The following CD109 variants were observed in gnomAD, a reference collection of about 807,000 sequenced individuals.
The protein encoded by CD109 is CD109 molecule.
In CD109, 149 loss-of-function variants were observed where a neutral mutation model predicts 165.8. The observed-to-expected ratio is 0.90, with a 90% CI of 0.79 to 1.03. CD109 has a LOEUF of 1.03. Ranked by LOEUF, CD109 falls within the 50% of genes least tolerant of loss-of-function variation. CD109 has a pLI of 0.00. For synonymous variants in CD109, 585 were observed against 592.1 expected, an observed-to-expected ratio of 0.99 and a Z score of 0.18; for missense variants, 1,712 against 1,677.8, an observed-to-expected ratio of 1.02 and a Z score of -0.36.
chr6:73,806,408 T>C (rs934233590), intron 24 of CD109, among the ~76,000 whole-genome samples: 1 of 152,124 alleles, frequency 6.6e-6, no homozygotes, highest in Admixed American at 6.5e-5. Flanking sequence ...ACATACCTAA[T>C]GTAAATGACG....
intron 2 of CD109, among the ~76,000 whole-genome samples, chr6:73,714,552 G>A (rs953242055): frequency 2.6e-5 from 4 of 152,274 alleles, no homozygotes; most frequent in Admixed American, 1.3e-4. Context: ...TGTAATTACC[G>A]TCTCAGAGTT....
At chr6:73,777,506 G>C (rs559325678) in intron 15 of CD109, among the ~76,000 whole-genome samples, 3 of 152,070 alleles carry the variant, frequency 2.0e-5, no homozygotes, top group African/African-American at 4.8e-5. Context: ...GTCCTGAATG[G>C]TATTGCCTAG....
chr6:73,682,222 C>T, the CD109 span, among the ~76,000 whole-genome samples: 6 of 152,286 alleles, frequency 3.9e-5, no homozygotes, highest in African/African-American at 1.4e-4. Flanking sequence ...TGCCTCTGAA[C>T]CTGTAAAATC....
At chr6:73,781,352 T>A in intron 17 of CD109, 33 bp downstream of exon 17, 1 of 1,540,840 alleles carries the variant, frequency 6.5e-7, no homozygotes, top group Non-Finnish European at 9.0e-7. Flanking sequence ...CTTGTATTTG[T>A]CTTTCACATG....
At chr6:73,755,301 CT>C (rs1562048222) in intron 5 of CD109, among the ~76,000 whole-genome samples, 1 of 152,072 alleles carries the variant, frequency 6.6e-6, no homozygotes, top group Admixed American at 6.6e-5. Context: ...TTGAGATTTT[CT>C]TTTTTTAAAA....
At position 73,763,627 on chromosome 6, in the gene CD109, T is replaced by C. The variant is rs1773723960; in HGVS notation, c.1049T>C (p.Ile350Thr). The C allele has an allele frequency of 1.3e-6, 2 of 1,597,120 alleles. No homozygotes were observed. The highest frequency in any genetic ancestry group is 1.7e-6 in the Non-Finnish European group (2 of 1,170,726). Residue 350 changes from isoleucine to threonine, a missense_variant, in exon 10 of 33, where the codon ATC becomes ACC. By Grantham distance (89) the Ile-to-Thr change is moderately conservative (BLOSUM62 -1). Coordinates refer to ENST00000287097, the MANE Select transcript of CD109 (RefSeq NM_133493.5). ...TNVFFKQHDY[I>T]IEFFDYTTVL... ...GTGTTCTTCAAGCAACATGATTACA[T>C]CATTGAGTTTTTTGATTATACTACT...
upstream of CD109, among the ~76,000 whole-genome samples, chr6:73,690,905 CT>C (rs1770680693): frequency 6.6e-6 from 1 of 152,248 alleles, no homozygotes; most frequent in East Asian, 1.9e-4. Flanking sequence ...ATGCTTGTCT[CT>C]GGGTAGTGGT....
intron 32 of CD109, among the ~76,000 whole-genome samples, chr6:73,822,407 C>T (rs1364860037): frequency 6.6e-6 from 1 of 152,120 alleles, no homozygotes; most frequent in African/African-American, 2.4e-5. Flanking sequence ...GGTGTAGCAC[C>T]AGTTCTCTCC....
intron 2 of CD109, among the ~76,000 whole-genome samples, chr6:73,711,268 G>T (rs1771527322): frequency 2.0e-5 from 3 of 151,244 alleles, no homozygotes; most frequent in Admixed American, 6.6e-5. Flanking sequence ...CTCAATGTTT[G>T]TGTTTAACCT....
intron 2 of CD109, among the ~76,000 whole-genome samples, chr6:73,700,252 A>T (rs796204050): frequency 5.4e-5 from 8 of 147,132 alleles, no homozygotes; most frequent in African/African-American, 1.5e-4. Context: ...TAGGTTTAAA[A>T]TTTTTTTTTT....
intron 24 of CD109, 136 bp from the exon 25 acceptor site, chr6:73,806,708 C>T: frequency 1.6e-6 from 1 of 615,628 alleles, no homozygotes; most frequent in Non-Finnish European, 2.8e-6. Flanking sequence ...TTTTTCTTTC[C>T]TTGTTCCATC....
intron 3 of CD109, among the ~76,000 whole-genome samples, chr6:73,728,053 G>A (rs1277186483): frequency 1.3e-5 from 2 of 152,168 alleles, no homozygotes; most frequent in Admixed American, 6.5e-5. Flanking sequence ...GGGCGCAGTG[G>A]CTCACATGTA....
chr6:73,685,855 A>G, the CD109 span, among the ~76,000 whole-genome samples: 1 of 152,230 alleles, frequency 6.6e-6, no homozygotes, highest in Non-Finnish European at 1.5e-5. Flanking sequence ...AGATCATGTC[A>G]TCTTTGCAAA....
In CD109 at chr6:73,696,229, C is replaced by G. The variant is rs1255697894; in HGVS notation, c.14C>G (p.Pro5Arg). Residue 5 changes from proline to arginine, a missense_variant, in exon 1 of 33, where the codon CCG (proline) becomes CGG (arginine). Physicochemically the swap from Pro to Arg is moderately radical, Grantham distance 103. Transcript: ENST00000287097. ...GACGCCGTCGAGATGCAGGGCCCAC[C>G]GCTCCTGACCGCCGCCCACCTCCTC... is the stretch of plus-strand genomic sequence containing the variant. MQGP[P>R]LLTAAHLLCV... 3.9e-6 allele frequency: 6 copies of G among 1,544,536 alleles called. No homozygotes were observed. The highest frequency in any genetic ancestry group is 5.2e-6 in the Non-Finnish European group (6 of 1,149,544).
intron 15 of CD109, among the ~76,000 whole-genome samples, chr6:73,773,627 C>G (rs1774129291): frequency 6.6e-6 from 1 of 152,104 alleles, no homozygotes; most frequent in African/African-American, 2.4e-5. Context: ...TTGTTGGTTT[C>G]TAAAGGTTAT....
At chr6:73,788,237 A>T (rs561568661) in intron 21 of CD109, among the ~76,000 whole-genome samples, 5 of 152,338 alleles carry the variant, frequency 3.3e-5, no homozygotes, top group African/African-American at 9.6e-5. Context: ...AGTTATGGTA[A>T]TTTTTTGTAA....
At chr6:73,822,781 TA>T (rs1050985189) in intron 32 of CD109, among the ~76,000 whole-genome samples, 1 of 152,176 alleles carries the variant, frequency 6.6e-6, no homozygotes, top group Admixed American at 6.6e-5. Context: ...CAACCCATTT[TA>T]AAAAATCTCA....
Position 73,730,553 on chromosome 6 carries a change from C to A in CD109, c.486C>A (p.Thr162=). The change falls in exon 4 of 33, where the codon ACC becomes ACA. Residue 162 remains threonine (T), a synonymous_variant. Coordinates refer to ENST00000287097, the MANE Select transcript of CD109 (RefSeq NM_133493.5). Reference sequence around the variant, plus strand: ...TCTCAGATTTTAAGCCTTACAAAACCTCTTTAAACATTCTCATTAAGGTAA... The same window carrying A: ...TCTCAGATTTTAAGCCTTACAAAACATCTTTAAACATTCTCATTAAGGTAA... ...TLFSDFKPYK[T]SLNILIKDPK... 6.2e-7 allele frequency: 1 copy of A among 1,611,630 alleles called. No individual in the cohort carries two copies. The highest frequency in any genetic ancestry group is 1.3e-5 in the African/African-American group (1 of 74,994).
intron 15 of CD109, among the ~76,000 whole-genome samples, chr6:73,772,411 A>G (rs1442478778): frequency 6.6e-6 from 1 of 150,772 alleles, no homozygotes; most frequent in Middle Eastern, 3.2e-3. Context: ...AGGCTGAGGC[A>G]GGAGAATGGC....
Sources: allele counts gnomAD v4.1 joint callset (sites outside exome capture counted in the v4.1 genomes callset), GRCh38; gene constraint gnomAD v4.1.1; transcripts MANE v1.5; gene names NCBI Gene and HGNC (gene_info 2026-07-23, HGNC 2026-07-21).